The following BMP8A variants were observed in gnomAD, a reference collection of about 807,000 sequenced individuals.
BMP8A encodes BMP-8A.
A neutral mutation model predicts 36.8 loss-of-function variants in BMP8A; 14 were observed. That is an observed-to-expected ratio of 0.38 (90% CI 0.25 to 0.60). The LOEUF (loss-of-function observed/expected upper bound fraction) is 0.60. Ranked by LOEUF, BMP8A falls within the 20% of genes least tolerant of loss-of-function variation. The probability of loss-of-function intolerance (pLI) is 0.63; values close to 1 mark genes in which losing one functional copy is unlikely to be tolerated. For synonymous variants in BMP8A, 120 were observed against 237.7 expected, an observed-to-expected ratio of 0.50 and a Z score of 4.55; for missense variants, 267 against 551.1, an observed-to-expected ratio of 0.48 and a Z score of 5.16.
chr1:39,494,008 C>A (rs1187215363), intron 1 of BMP8A, among the ~76,000 whole-genome samples: 18 of 152,226 alleles, frequency 1.2e-4, no homozygotes, highest in Admixed American at 1.2e-3. Context: ...TAGGGAAGTT[C>A]CTCACCTTCT....
intron 1 of BMP8A, among the ~76,000 whole-genome samples, chr1:39,502,084 A>C (rs541546386): frequency 6.6e-6 from 1 of 152,218 alleles, no homozygotes; most frequent in African/African-American, 2.4e-5. Flanking sequence ...CTGAAAATAC[A>C]AAAGTTAGCT....
At chr1:39,509,007 G>A (rs1391197967) in intron 1 of BMP8A, among the ~76,000 whole-genome samples, 1 of 152,170 alleles carries the variant, frequency 6.6e-6, no homozygotes, top group Non-Finnish European at 1.5e-5. Context: ...AGGTCAGGCG[G>A]GGAGGGAGGC....
chr1:39,518,095 T>TTG (rs71844778), intron 3 of BMP8A, among the ~76,000 whole-genome samples: 1,544 of 151,298 alleles, frequency 0.01, 40 homozygotes, highest in African/African-American at 0.033. Context: ...AAAATTAAGA[T>TTG]TGTGTGTGTG....
intron 1 of BMP8A, among the ~76,000 whole-genome samples, chr1:39,505,986 CA>C (rs34923451): frequency 1.5e-5 from 2 of 133,232 alleles, no homozygotes; most frequent in Admixed American, 8.5e-5. Context: ...ACCCTGTCTC[CA>C]AAAAAAAAAA....
At chr1:39,517,020 G>T (rs1468140554) in intron 3 of BMP8A, among the ~76,000 whole-genome samples, 1 of 151,684 alleles carries the variant, frequency 6.6e-6, no homozygotes, top group South Asian at 2.1e-4. Flanking sequence ...GCAGGGTCTG[G>T]CTCTGTCACT....
chr1:39,529,617 T>C lies in BMP8A; in HGVS notation c.*3819T>C, dbSNP rs1327037017. ...TTCTCACGTAAGAAAATGTTATCTG[T>C]GTGCTGGGGAAAATTTTGAAAATAA... On this transcript the variant is annotated 3_prime_UTR_variant, in exon 7 of 7. Coordinates refer to ENST00000331593, the MANE Select transcript of BMP8A (RefSeq NM_181809.4). 6.6e-6 allele frequency among the ~76,000 whole-genome samples: 1 copy of C among 152,224 alleles called. No homozygotes were observed. Among genetic ancestry groups the C allele is most frequent in the Non-Finnish European group, 1.5e-5 (1 of 68,042 alleles).
intron 1 of BMP8A, among the ~76,000 whole-genome samples, chr1:39,496,107 C>T (rs1282742225): frequency 8.5e-5 from 13 of 152,238 alleles, no homozygotes; most frequent in Non-Finnish European, 1.8e-4. Context: ...GCACCATCTC[C>T]GTGGGCCCCA....
chr1:39,523,040 T>A lies in BMP8A; in HGVS notation c.982T>A (p.Tyr328Asn), dbSNP rs1490089346. ...CATCGCCCCCCAAGGCTACTCAGCCTATTACTGTGAGGGGGAGTGCTCCTT... is the reference window on the plus strand; with the variant it reads ...CATCGCCCCCCAAGGCTACTCAGCCAATTACTGTGAGGGGGAGTGCTCCTT... ...WVIAPQGYSA[Y>N]YCEGECSFPL... is the part of the protein sequence containing the mutation. The change falls in exon 6 of 7, where the codon TAT becomes AAT. Residue 328 changes from tyrosine (Y) to asparagine (N), a missense_variant. Physicochemically the swap from Tyr to Asn is moderately radical, Grantham distance 143 (BLOSUM62 -2). Transcript: ENST00000331593. 1.2e-6 allele frequency: 2 copies of A among 1,613,506 alleles called. No homozygotes were observed. The highest frequency in any genetic ancestry group is 2.7e-5 in the African/African-American group (2 of 74,886).
In BMP8A at chr1:39,528,857, T is replaced by C. The variant is rs1347587513; in HGVS notation, c.*3059T>C. ...CTGGGATGACAGGCACACGCCACCA[T>C]ACCCAGCTAATTTTTAAATTTTTTA... is the stretch of plus-strand genomic sequence containing the variant. On this transcript the variant is annotated 3_prime_UTR_variant, in exon 7 of 7. Coordinates refer to ENST00000331593, the MANE Select transcript of BMP8A (RefSeq NM_181809.4). 2.0e-5 allele frequency among the ~76,000 whole-genome samples: 3 copies of C among 152,046 alleles called. No homozygotes were observed. The highest frequency in any genetic ancestry group is 7.2e-5 in the African/African-American group (3 of 41,388).
chr1:39,494,915 C>T (rs1645192093), intron 1 of BMP8A, among the ~76,000 whole-genome samples: 3 of 151,974 alleles, frequency 2.0e-5, no homozygotes, highest in African/African-American at 4.8e-5. Context: ...TGTGGGTGGG[C>T]GCAGCCAGCT....
intron 3 of BMP8A, chr1:39,516,139 T>G: frequency 1.6e-6 from 1 of 619,904 alleles, no homozygotes. Context: ...CCATGCAGGT[T>G]TCCAAATACG....
intron 1 of BMP8A, 92 bp downstream of exon 1, chr1:39,492,417 C>A (rs1645169030): frequency 2.2e-6 from 3 of 1,378,872 alleles, no homozygotes; most frequent in Non-Finnish European, 2.8e-6. Flanking sequence ...CCTGGCCGAA[C>A]GGGGAATCAC....
chr1:39,527,848 G>T lies in BMP8A; in HGVS notation c.*2050G>T, dbSNP rs1380086031. 6.6e-6 allele frequency among the ~76,000 whole-genome samples: 1 copy of T among 152,166 alleles called. No homozygotes were observed. The highest frequency in any genetic ancestry group is 1.9e-4 in the East Asian group (1 of 5,192). Reference sequence around the variant, plus strand: ...TTCTCATCTGCAACATGAGGACATAGGACTCTTTAATTCCAAAGGCTCTTC... The same window carrying T: ...TTCTCATCTGCAACATGAGGACATATGACTCTTTAATTCCAAAGGCTCTTC... On this transcript the variant is annotated 3_prime_UTR_variant, in exon 7 of 7. Transcript: ENST00000331593.
intron 3 of BMP8A, chr1:39,515,076 A>G (rs1645385346): frequency 6.9e-6 from 11 of 1,588,422 alleles, no homozygotes; most frequent in Non-Finnish European, 9.4e-6. Flanking sequence ...GCCCCGTGCC[A>G]AGTTCTACGC....
intron 1 of BMP8A, among the ~76,000 whole-genome samples, chr1:39,503,947 C>A (rs1162591731): frequency 6.6e-6 from 1 of 151,794 alleles, no homozygotes; most frequent in Non-Finnish European, 1.5e-5. Flanking sequence ...TCTCAAAAAA[C>A]AAAACAAAAC....
intron 3 of BMP8A, chr1:39,514,937 C>A (rs1645383756): frequency 1.9e-5 from 29 of 1,501,184 alleles, no homozygotes; most frequent in Non-Finnish European, 2.4e-5. Flanking sequence ...CTTGTCCTGG[C>A]CTCCGACCCG....
chr1:39,519,072 C>T (rs1484053178), intron 3 of BMP8A, among the ~76,000 whole-genome samples: 1 of 107,344 alleles, frequency 9.3e-6, no homozygotes, highest in Non-Finnish European at 1.9e-5. Flanking sequence ...TGATCTAATG[C>T]GACATTCTAT....
intron 3 of BMP8A, among the ~76,000 whole-genome samples, chr1:39,513,701 T>C (rs1645375159): frequency 6.6e-6 from 1 of 151,826 alleles, no homozygotes; most frequent in South Asian, 2.1e-4. Context: ...CTGGTCCTCA[T>C]GGAAATGCCA....
At chr1:39,525,328 G>GCACA (rs1557696685) in intron 6 of BMP8A, among the ~76,000 whole-genome samples, 1 of 152,060 alleles carries the variant, frequency 6.6e-6, no homozygotes. Flanking sequence ...CTGGCCATGA[G>GCACA]GTTCTCCTTC....
Sources: allele counts gnomAD v4.1 joint callset (sites outside exome capture counted in the v4.1 genomes callset), GRCh38; gene constraint gnomAD v4.1.1; transcripts MANE v1.5; gene names NCBI Gene and HGNC (gene_info 2026-07-23, HGNC 2026-07-21).